NUP98: variants seen among roughly 807,000 people sequenced by gnomAD.
NUP98 encodes nucleoporin 98 and 96 precursor.
In NUP98, 26 loss-of-function variants were observed where a neutral mutation model predicts 191.9. The observed-to-expected ratio is 0.14, with a 90% confidence interval of 0.10 to 0.19. The LOEUF is 0.19. Among genes scored for constraint, NUP98 ranks in the 10% least tolerant of loss-of-function variants. NUP98 has a pLI of 1.00. For synonymous variants in NUP98, 808 were observed against 778.4 expected (o/e 1.04, Z -0.63); for missense variants, 1,941 against 2,178.8 (o/e 0.89, Z 2.17).
intron 29 of NUP98, among the ~76,000 whole-genome samples, chr11:3,684,388 A>G (rs537008209): frequency 6.6e-6 from 1 of 152,202 alleles, no homozygotes; most frequent in African/African-American, 2.4e-5. Context: ...CTTTCAGATC[A>G]AAACTATTCT....
In NUP98 at chr11:3,775,556, A is replaced by C. The variant is rs560881300; in HGVS notation, c.495+326T>G. Reference sequence around the variant, plus strand: ...CATCTTAAAAAAACAAAATAACAAAAAAAAAAAAGAAAATTGAACAGTTGA... The same window carrying C: ...CATCTTAAAAAAACAAAATAACAAACAAAAAAAAGAAAATTGAACAGTTGA... On this transcript the variant is annotated intron_variant, in intron 5 of 32. Coordinates refer to ENST00000324932, the MANE Select transcript of NUP98 (RefSeq NM_016320.5). Among the ~76,000 whole-genome samples the C allele has an allele frequency of 2.6e-5, 4 of 152,180 alleles. No homozygotes were observed. In the South Asian group the frequency reaches 8.3e-4, roughly 32 times the overall value.
At chr11:3,694,479 G>C (rs909367353) in intron 26 of NUP98, among the ~76,000 whole-genome samples, 1 of 151,466 alleles carries the variant, frequency 6.6e-6, no homozygotes, top group Non-Finnish European at 1.5e-5. Context: ...GGTGGCTCAC[G>C]CTTGTAATCC....
Position 3,797,527 on chromosome 11 carries a change from G to T in NUP98, c.-156C>A. 4.5e-6 allele frequency: 2 copies of T among 440,018 alleles called. No homozygotes were observed. The highest frequency in any genetic ancestry group is 8.0e-6 in the Non-Finnish European group (2 of 250,260). The allele number at this position is 440,018 out of a possible 1,614,324, so 27.3% of individuals were successfully genotyped here. A position where few individuals can be genotyped will look rare whatever the true frequency, so the allele number is the denominator to read the frequency against. On this transcript the variant is annotated 5_prime_UTR_variant, in exon 1 of 33. Transcript: ENST00000324932. ...CACCCCTGCCACCGACCGCCGCTTC[G>T]GGCGCAGCGCGCAGAGGGCCCGACT...
intron 31 of NUP98, among the ~76,000 whole-genome samples, chr11:3,677,888 T>G (rs532835671): frequency 6.6e-6 from 1 of 152,314 alleles, no homozygotes; most frequent in Admixed American, 6.5e-5. Flanking sequence ...AGGATAATAA[T>G]AGATAACAAT....
At chr11:3,788,266 G>T (rs1442575734) in intron 1 of NUP98, among the ~76,000 whole-genome samples, 4 of 152,108 alleles carry the variant, frequency 2.6e-5, no homozygotes, top group Non-Finnish European at 5.9e-5. Flanking sequence ...AATCATTTTA[G>T]AGTGAAGAGT....
chr11:3,698,323 G>T (rs2134091788), intron 25 of NUP98, among the ~76,000 whole-genome samples: 1 of 152,120 alleles, frequency 6.6e-6, no homozygotes, highest in East Asian at 1.9e-4. Context: ...ACAGGATTTG[G>T]GTGATTTTGA....
chr11:3,744,108 G>A (rs1275696682), intron 12 of NUP98, among the ~76,000 whole-genome samples: 1 of 152,048 alleles, frequency 6.6e-6, no homozygotes, highest in Non-Finnish European at 1.5e-5. Context: ...CTAAATTTAG[G>A]AAATACAGTA....
intron 9 of NUP98, among the ~76,000 whole-genome samples, chr11:3,762,334 T>C (rs962018896): frequency 6.6e-6 from 1 of 151,680 alleles, no homozygotes; most frequent in Admixed American, 6.6e-5. Flanking sequence ...GTTGGCCAGA[T>C]TGGTCTCGAA....
At chr11:3,754,794 T>G (rs1366768466) in intron 10 of NUP98, among the ~76,000 whole-genome samples, 5 of 151,602 alleles carry the variant, frequency 3.3e-5, no homozygotes, top group Admixed American at 6.6e-5. Flanking sequence ...ATACACAAAT[T>G]AGCTGGGTGT....
At chr11:3,695,761 A>C (rs1245648906) in intron 25 of NUP98, among the ~76,000 whole-genome samples, 155 bp from the exon 26 acceptor site, 2 of 152,124 alleles carry the variant, frequency 1.3e-5, no homozygotes, top group Non-Finnish European at 2.9e-5. Context: ...TTGATCAAAA[A>C]CTTACCATTT....
At chr11:3,795,039 C>T (rs2082482248) in intron 1 of NUP98, among the ~76,000 whole-genome samples, 1 of 152,142 alleles carries the variant, frequency 6.6e-6, no homozygotes, top group South Asian at 2.1e-4. Context: ...GGTTAACTAC[C>T]ACCACATAAA....
intron 28 of NUP98, among the ~76,000 whole-genome samples, chr11:3,689,523 T>C (rs934874359): frequency 1.3e-5 from 2 of 151,858 alleles, no homozygotes; most frequent in East Asian, 1.9e-4. Context: ...CAAGAGAGTC[T>C]GTCTCAAAAA....
chr11:3,731,624 T>A, intron 13 of NUP98, 46 bp from the exon 14 acceptor site: 1 of 1,342,938 alleles, frequency 7.4e-7, no homozygotes. Context: ...ACTTTAAATG[T>A]ACTGCACTGG....
At chr11:3,744,251 T>C (rs558380494) in intron 12 of NUP98, among the ~76,000 whole-genome samples, 117 of 152,282 alleles carry the variant, frequency 7.7e-4, no homozygotes, top group African/African-American at 2.7e-3. Flanking sequence ...TAAGCACATT[T>C]AGCGATATGA....
chr11:3,758,852 T>C (rs2081067448), intron 10 of NUP98, among the ~76,000 whole-genome samples: 6 of 152,022 alleles, frequency 3.9e-5, no homozygotes, highest in African/African-American at 1.5e-4. Context: ...GGTAACCAAG[T>C]CCACTGCCTC....
intron 31 of NUP98, among the ~76,000 whole-genome samples, chr11:3,677,087 G>A (rs2077838478): frequency 6.6e-6 from 1 of 152,176 alleles, no homozygotes; most frequent in Non-Finnish European, 1.5e-5. Flanking sequence ...TTGCTCTCAT[G>A]AAACTGATAG....
chr11:3,731,610 GTTTAC>G (rs1230665842), intron 13 of NUP98, 32 bp from the exon 14 acceptor site: 1 of 1,488,466 alleles, frequency 6.7e-7, no homozygotes, highest in Admixed American at 2.2e-5. Flanking sequence ...GAAATTTTTG[GTTTAC>G]TTTAAATGTA....
chr11:3,785,968 C>T (rs2082128031), intron 1 of NUP98, among the ~76,000 whole-genome samples: 1 of 151,990 alleles, frequency 6.6e-6, no homozygotes, highest in African/African-American at 2.4e-5. Context: ...GCTGAAACCC[C>T]CACCAAGAAT....
chr11:3,716,641 G>T lies in NUP98; in HGVS notation c.2400-2646C>A, dbSNP rs200866785. 8.5e-5 allele frequency among the ~76,000 whole-genome samples: 13 copies of T among 152,202 alleles called. No individual in the cohort carries two copies. In the East Asian group the frequency reaches 2.3e-3, roughly 27 times the overall value. ...GGAGAATAGCTTGAACCTGGGGGCA[G>T]AGGTTGCAGAGAGTCATGATCACAC... On this transcript the variant is annotated intron_variant, in intron 18 of 32. Coordinates refer to ENST00000324932, the MANE Select transcript of NUP98 (RefSeq NM_016320.5).
Sources: gnomAD v4.1 joint callset for allele counts (sites outside exome capture counted in the v4.1 genomes callset) on GRCh38, gnomAD v4.1.1 for gene constraint, MANE v1.5 for transcripts, NCBI Gene and HGNC (gene_info 2026-07-23, HGNC 2026-07-21) for gene names.